Variants in ACYP2 observed in about 807,000 individuals in gnomAD.
ACYP2 encodes acylphosphatase 2.
ACYP2 carries 12 observed loss-of-function variants against 11.2 expected under a neutral mutation model. That is an observed-to-expected ratio of 1.08 (90% CI 0.69 to 1.74). The LOEUF (loss-of-function observed/expected upper bound fraction) is 1.74. Ranked by LOEUF, ACYP2 falls within the 40% of genes most tolerant of loss-of-function variation. The probability of loss-of-function intolerance (pLI) is 0.00; values close to 1 mark genes in which losing one functional copy is unlikely to be tolerated. For missense variants in ACYP2, 134 were observed against 101.9 expected (o/e 1.31, Z -1.35); for synonymous variants, 43 against 32.2 (o/e 1.33, Z -1.13).
intron 4 of ACYP2, among the ~76,000 whole-genome samples, chr2:54,134,084 C>T (rs1681082822): frequency 1.3e-5 from 2 of 152,170 alleles, no homozygotes; most frequent in South Asian, 2.1e-4. Flanking sequence ...ATGTAATCTA[C>T]ACTATAGAGA....
At chr2:54,219,856 GAT>G (rs1491103388) in intron 6 of ACYP2, among the ~76,000 whole-genome samples, 18 of 16,608 alleles carry the variant, frequency 1.1e-3, no homozygotes, top group African/African-American at 6.9e-3. Context: ...TGTGTATATA[GAT>G]GTGTGTGTGT....
At chr2:54,300,091 G>A (rs1034038176) in intron 6 of ACYP2, among the ~76,000 whole-genome samples, 8 of 152,022 alleles carry the variant, frequency 5.3e-5, no homozygotes, top group African/African-American at 1.9e-4. Context: ...TATCCAAATT[G>A]CTCTCCAATT....
At chr2:54,035,172 T>A (rs901628654) in intron 2 of ACYP2, among the ~76,000 whole-genome samples, 1 of 151,914 alleles carries the variant, frequency 6.6e-6, no homozygotes, top group Non-Finnish European at 1.5e-5. Flanking sequence ...CAGCTGTTGC[T>A]ACCATGTTGT....
intron 4 of ACYP2, among the ~76,000 whole-genome samples, chr2:54,097,866 CTCTT>C (rs1191765203): frequency 1.9e-5 from 2 of 105,844 alleles, no homozygotes; most frequent in Non-Finnish European, 3.9e-5. Flanking sequence ...TTCTTTCTTT[CTCTT>C]TCTCTCTCTC....
intron 6 of ACYP2, among the ~76,000 whole-genome samples, chr2:54,224,943 G>A (rs1055024548): frequency 6.6e-6 from 1 of 152,214 alleles, no homozygotes; most frequent in Admixed American, 6.5e-5. Context: ...TGGAAGAAAG[G>A]AAAGCAAGGT....
At position 54,052,359 on chromosome 2, in the gene ACYP2, C is replaced by T. The variant is rs1675914521; in HGVS notation, c.155+1309C>T. 1.3e-5 allele frequency among the ~76,000 whole-genome samples: 2 copies of T among 151,870 alleles called. 1 individual carries two copies. The highest frequency in any genetic ancestry group is 4.2e-4 in the South Asian group (2 of 4,812). ...CCTGTCCTGGTGGCATTTTCAATAG[C>T]CACTATTGAAAATGTGGCTAAAACT... On this transcript the variant is annotated intron_variant, in intron 3 of 6. Transcript: ENST00000607452.
chr2:54,102,937 A>G (rs533715484), intron 4 of ACYP2, among the ~76,000 whole-genome samples: 2 of 152,294 alleles, frequency 1.3e-5, no homozygotes, highest in Admixed American at 1.3e-4. Context: ...TGAGGAAGGA[A>G]GACTTTGGTT....
intron 2 of ACYP2, among the ~76,000 whole-genome samples, chr2:54,017,291 G>A (rs557511797): frequency 2.2e-4 from 14 of 64,900 alleles, no homozygotes; most frequent in Middle Eastern, 7.6e-3. Flanking sequence ...TTTTTTTTGA[G>A]ACAGAGTCTC....
At chr2:54,139,574 G>C (rs1681482239) in intron 6 of ACYP2, among the ~76,000 whole-genome samples, 1 of 152,100 alleles carries the variant, frequency 6.6e-6, no homozygotes. Flanking sequence ...TTTACATGTT[G>C]GGCAATATGC....
At chr2:54,009,152 CAA>C (rs879319275) in intron 2 of ACYP2, among the ~76,000 whole-genome samples, 2 of 130,284 alleles carry the variant, frequency 1.5e-5, no homozygotes, top group African/African-American at 3.0e-5. Context: ...GACTCCATCT[CAA>C]AAAAAAAAAA....
intron 6 of ACYP2, among the ~76,000 whole-genome samples, chr2:54,285,716 G>A (rs1689051255): frequency 6.6e-6 from 1 of 152,210 alleles, no homozygotes. Flanking sequence ...TGGCCAATGA[G>A]ATGTAATCAG....
intron 4 of ACYP2, among the ~76,000 whole-genome samples, chr2:54,074,980 T>C (rs1677252911): frequency 6.6e-6 from 1 of 152,212 alleles, no homozygotes; most frequent in Non-Finnish European, 1.5e-5. Context: ...ATCTGGGCAC[T>C]GCGGCCCAGC....
chr2:54,029,752 C>T (rs547023156), intron 2 of ACYP2: 12 of 597,638 alleles, frequency 2.0e-5, no homozygotes, highest in East Asian at 4.0e-5. Context: ...ATGCCAACAG[C>T]ATGCTGGGGA....
At chr2:54,267,380 C>T (rs1688086586) in intron 6 of ACYP2, 1 of 1,538,780 alleles carries the variant, frequency 6.5e-7, no homozygotes, top group Middle Eastern at 1.7e-4. Context: ...GAGGTTTCTA[C>T]TTTCAAATGA....
Position 54,175,273 on chromosome 2 carries a change from C to T in ACYP2, c.404+36525C>T, listed in dbSNP as rs185650863. ...TTTAGTCTTGGGAGGGTGTATGTGT[C>T]GAGGAATTTATCCATTTCTTCTATA... On this transcript the variant is annotated intron_variant, in intron 6 of 6. Transcript: ENST00000607452. 7.3e-4 allele frequency among the ~76,000 whole-genome samples: 111 copies of T among 152,158 alleles called. No individual in the cohort carries two copies. The East Asian group carries it at 0.02, about 27-fold the overall frequency.
intron 4 of ACYP2, among the ~76,000 whole-genome samples, chr2:54,105,863 C>A (rs550613160): frequency 6.6e-6 from 1 of 152,030 alleles, no homozygotes; most frequent in African/African-American, 2.4e-5. Flanking sequence ...ATTCAGTAAA[C>A]ATCTGTTGAA....
chr2:54,213,073 C>A (rs188798953), intron 6 of ACYP2, among the ~76,000 whole-genome samples: 1 of 152,110 alleles, frequency 6.6e-6, no homozygotes, highest in South Asian at 2.1e-4. Flanking sequence ...GATAGTTTTT[C>A]GATGGTCACC....
At chr2:54,140,137 T>G (rs1681522070) in intron 6 of ACYP2, among the ~76,000 whole-genome samples, 2 of 152,220 alleles carry the variant, frequency 1.3e-5, no homozygotes, top group South Asian at 4.1e-4. Flanking sequence ...ACAATATTTT[T>G]AAGTAGAATT....
At chr2:54,141,771 T>C (rs1681615238) in intron 6 of ACYP2, 2 of 461,914 alleles carry the variant, frequency 4.3e-6, no homozygotes, top group Non-Finnish European at 7.9e-6. Flanking sequence ...ACTGGAATTC[T>C]ATTCTGTTTA....
Sources: allele counts gnomAD v4.1 joint callset (sites outside exome capture counted in the v4.1 genomes callset), GRCh38; gene constraint gnomAD v4.1.1; transcripts MANE v1.5; gene names NCBI Gene and HGNC (gene_info 2026-07-23, HGNC 2026-07-21).